NENF: variants seen among roughly 807,000 people sequenced by gnomAD.
NENF encodes neudesin.
Under a neutral mutation model 14.8 loss-of-function variants are expected in NENF, and 6 were observed. The ratio of observed to expected loss-of-function variants is 0.40; its 90% CI spans 0.22 to 0.80. The LOEUF is 0.80. Ranked by LOEUF, NENF falls within the 30% of genes least tolerant of loss-of-function variation. The pLI is 0.34. For synonymous variants in NENF, 76 were observed against 95.1 expected (o/e 0.80, Z 1.17); for missense variants, 184 against 212.7 (o/e 0.87, Z 0.84).
chr1:212,439,437 G>A (rs1662664339), intron 1 of NENF, among the ~76,000 whole-genome samples: 1 of 151,854 alleles, frequency 6.6e-6, no homozygotes, highest in African/African-American at 2.4e-5. Context: ...AGCTACTCGG[G>A]ACACTGAGGC....
chr1:212,445,849 A>G lies in NENF; in HGVS notation c.362A>G (p.Glu121Gly). ...THDTTGLTAK[E>G]LEALDEVFTK... is the part of the protein sequence containing the mutation. ...CCCAAGACGGGTCTCACGGCCAAGG[A>G]ACTGGAGGCCCTGGATGAGGTCTTC... The change falls in exon 4 of 4, where the codon GAA (glutamate) becomes GGA (glycine). Residue 121 changes from glutamate (E) to glycine (G), a missense_variant. Physicochemically the swap from Glu to Gly is moderately conservative, Grantham distance 98. Coordinates refer to ENST00000366988, the MANE Select transcript of NENF (RefSeq NM_013349.5). 4 of 1,614,128 alleles carry G rather than the reference A, an allele frequency of 2.5e-6. No homozygotes were observed. Among genetic ancestry groups the G allele is most frequent in the Non-Finnish European group, 3.4e-6 (4 of 1,180,012 alleles).
rs1662563346 is a variant in NENF at position 212,433,895 on chromosome 1, G to A, written c.177+775G>A. 2.6e-5 allele frequency among the ~76,000 whole-genome samples: 4 copies of A among 152,160 alleles called. No individual in the cohort carries two copies. Among genetic ancestry groups the A allele is most frequent in the Admixed American group, 2.6e-4 (4 of 15,278 alleles). On this transcript the variant is annotated intron_variant, in intron 1 of 3. Transcript: ENST00000366988. The surrounding 1 kb of genome is among the most constrained non-coding windows in gnomAD (Gnocchi z 5.5). ...AGATGTGGAGCGGGGGAACGGCATT[G>A]GGGGGAGGTCATAGTACCATAGTAT... is the stretch of plus-strand genomic sequence containing the variant.
rs532532771 is a variant in NENF, at chr1:212,446,213, A to G, written c.*207A>G. 5.4e-6 allele frequency: 3 copies of G among 558,150 alleles called. No homozygotes were observed. The highest frequency in any genetic ancestry group is 9.5e-6 in the Non-Finnish European group (3 of 314,532). 34.6% of individuals were successfully genotyped at this position (558,150 alleles called of 1,614,324 possible). On this transcript the variant is annotated 3_prime_UTR_variant, in exon 4 of 4. Transcript: ENST00000366988. ...ACCCCTGTCTGCACACCAGGGATCA[A>G]TAAGAGCCAAAGTGGGACACCTCCT...
Position 212,433,152 on chromosome 1 carries a change from G to C in NENF, c.177+32G>C. On this transcript the variant is annotated intron_variant, in intron 1 of 3. Coordinates refer to ENST00000366988, the MANE Select transcript of NENF (RefSeq NM_013349.5). The surrounding 1 kb of genome is among the most constrained non-coding windows in gnomAD (Gnocchi z 5.5). ...GGGGGTGTCGCGGGCCGAGGGACCC[G>C]GGGTGGCGTCCGATCTGCGGCGAGC... 2 of 1,146,772 alleles carry C rather than the reference G, an allele frequency of 1.7e-6. No homozygotes were observed. Among genetic ancestry groups the C allele is most frequent in the East Asian group, 3.8e-5 (1 of 26,232 alleles). The allele number at this position is 1,146,772 out of a possible 1,614,324, so 71.0% of individuals were successfully genotyped here. A position where few individuals can be genotyped will look rare whatever the true frequency, so the allele number is the denominator to read the frequency against.
chr1:212,437,386 T>G (rs1218722385), intron 1 of NENF, among the ~76,000 whole-genome samples: 2 of 152,208 alleles, frequency 1.3e-5, no homozygotes, highest in African/African-American at 4.8e-5. Flanking sequence ...ATGTTCCCCA[T>G]AACACCTTTC....
chr1:212,445,714 A>T, intron 3 of NENF, 116 bp from the exon 4 acceptor site: 1 of 763,514 alleles, frequency 1.3e-6, no homozygotes, highest in Non-Finnish European at 1.9e-6. Flanking sequence ...GTTTGTTGAG[A>T]TATCTTTTCT....
intron 1 of NENF, among the ~76,000 whole-genome samples, chr1:212,440,775 G>C (rs1403680502): frequency 6.6e-6 from 1 of 152,178 alleles, no homozygotes; most frequent in Non-Finnish European, 1.5e-5. Context: ...TAGCTCCTCT[G>C]TCTGTTAAAT....
chr1:212,432,987 C>T lies in NENF; in HGVS notation c.44C>T (p.Ala15Val). Residue 15 changes from alanine (A) to valine (V), a missense_variant, in exon 1 of 4, where the codon GCG becomes GTG. Physicochemically the swap from Ala to Val is moderately conservative, Grantham distance 64 (BLOSUM62 0). Coordinates refer to ENST00000366988, the MANE Select transcript of NENF (RefSeq NM_013349.5). Reference protein sequence around the residue: ...APRRRLRPLAALALVLALAPG... With the variant: ...APRRRLRPLAVLALVLALAPG... Reference sequence around the variant, plus strand: ...CGGCGGCGGCTGCGGCCGCTGGCAGCGCTGGCCCTGGTCCTGGCGCTGGCC... The same window carrying T: ...CGGCGGCGGCTGCGGCCGCTGGCAGTGCTGGCCCTGGTCCTGGCGCTGGCC... 1 of 1,111,482 alleles carries T rather than the reference C, an allele frequency of 9.0e-7. No homozygotes were observed. The highest frequency in any genetic ancestry group is 1.7e-5 in the African/African-American group (1 of 60,520). 68.9% of individuals were successfully genotyped at this position (1,111,482 alleles called of 1,614,324 possible).
At position 212,433,457 on chromosome 1, in the gene NENF, C is replaced by T. The variant is rs1343914035; in HGVS notation, c.177+337C>T. ...TTTTGGTTTTCATGTTAGCATCAGC[C>T]GAGGCGTTTACTGTGCCCACGCATA... On this transcript the variant is annotated intron_variant, in intron 1 of 3. Coordinates refer to ENST00000366988, the MANE Select transcript of NENF (RefSeq NM_013349.5). This position sits in a 1 kb window ranked among gnomAD's most constrained non-coding sequence, Gnocchi z 5.5. Among the ~76,000 whole-genome samples, 2 of 152,134 alleles carry T rather than the reference C, an allele frequency of 1.3e-5. No homozygotes were observed. The highest frequency in any genetic ancestry group is 1.9e-4 in the East Asian group (1 of 5,152).
At chr1:212,441,015 C>T (rs539166733) in intron 1 of NENF, among the ~76,000 whole-genome samples, 2 of 152,240 alleles carry the variant, frequency 1.3e-5, no homozygotes, top group Admixed American at 6.5e-5. Context: ...CTGTACCCAT[C>T]GTCCCAGCCT....
chr1:212,444,175 T>C (rs757657382), intron 2 of NENF, among the ~76,000 whole-genome samples, 164 bp from the exon 3 acceptor site: 37 of 152,326 alleles, frequency 2.4e-4, no homozygotes, highest in Admixed American at 3.3e-4. Context: ...ACCTGATGGC[T>C]GGGGTGGCTT....
At chr1:212,441,645 G>T (rs1022685332) in intron 1 of NENF, among the ~76,000 whole-genome samples, 1 of 152,130 alleles carries the variant, frequency 6.6e-6, no homozygotes, top group African/African-American at 2.4e-5. Context: ...AATTAGCGGG[G>T]CGTGGTGGCG....
rs974332277 is a variant in NENF at position 212,446,160 on chromosome 1, C to T, written c.*154C>T. ...GGAAGAGCAAATGCCTCCTGTTGTC[C>T]TTGGTCAGGGGTTCTGTCTACCTGG... On this transcript the variant is annotated 3_prime_UTR_variant, in exon 4 of 4. Transcript: ENST00000366988. 1.4e-6 allele frequency: 1 copy of T among 732,008 alleles called. No homozygotes were observed. The highest frequency in any genetic ancestry group is 2.7e-5 in the East Asian group (1 of 36,564). The allele number at this position is 732,008 out of a possible 1,614,324, so 45.3% of individuals were successfully genotyped here.
intron 1 of NENF, among the ~76,000 whole-genome samples, chr1:212,441,806 C>A (rs1662703301): frequency 6.6e-6 from 1 of 151,980 alleles, no homozygotes; most frequent in Non-Finnish European, 1.5e-5. Flanking sequence ...GATGGGGCCC[C>A]ATGGAGCTGT....
rs115168751 is a variant in NENF at position 212,440,432 on chromosome 1, C to T, written c.178-2133C>T. On this transcript the variant is annotated intron_variant, in intron 1 of 3. Coordinates refer to ENST00000366988, the MANE Select transcript of NENF (RefSeq NM_013349.5). ...ATAAGGAAACCTGGTAAAGGAAAGG[C>T]GGTAAATCATCACAAAGAAAAATGC... Among the ~76,000 whole-genome samples the T allele has an allele frequency of 8.5e-3, 1,288 of 151,782 alleles. 27 individuals are homozygous for T. Among genetic ancestry groups the T allele is most frequent in the African/African-American group, 0.03 (1,231 of 41,474 alleles).
At chr1:212,444,518 CGTGT>C (rs57220444) in intron 3 of NENF, 76 bp downstream of exon 3, 72,520 of 495,174 alleles carry the variant, frequency 0.15, 5,775 homozygotes, top group East Asian at 0.17. Flanking sequence ...TTTTTCTTTT[CGTGT>C]GTGTGTGTGT....
chr1:212,442,411 G>A (rs939296621), intron 1 of NENF, 154 bp from the exon 2 acceptor site: 7 of 633,958 alleles, frequency 1.1e-5, no homozygotes, highest in African/African-American at 5.5e-5. Flanking sequence ...GCCCAGGCAG[G>A]TGGCAAGCTC....
intron 1 of NENF, among the ~76,000 whole-genome samples, chr1:212,435,271 C>G (rs1662585096): frequency 6.6e-6 from 1 of 152,230 alleles, no homozygotes; most frequent in African/African-American, 2.4e-5. Flanking sequence ...ATATCTATAT[C>G]TATACAGTTG....
At chr1:212,442,514 G>A (rs1485507583) in intron 1 of NENF, 51 bp from the exon 2 acceptor site, 1 of 1,392,498 alleles carries the variant, frequency 7.2e-7, no homozygotes, top group African/African-American at 1.4e-5. Flanking sequence ...AAGTTGCACT[G>A]GAAGAGCTGG....
Sources: allele counts gnomAD v4.1 joint callset (sites outside exome capture counted in the v4.1 genomes callset), GRCh38; gene constraint gnomAD v4.1.1; non-coding constraint Gnocchi (gnomAD v3.1); transcripts MANE v1.5; gene names NCBI Gene and HGNC (gene_info 2026-07-23, HGNC 2026-07-21).